CHST9: variants seen among roughly 807,000 people sequenced by gnomAD.
CHST9 encodes the protein carbohydrate sulfotransferase 9.
Under a neutral mutation model 44.4 loss-of-function variants are expected in CHST9, and 41 were observed. The ratio of observed to expected loss-of-function variants is 0.92; its 90% confidence interval spans 0.72 to 1.20. The LOEUF (loss-of-function observed/expected upper bound fraction) is 1.20. Ranked by LOEUF, CHST9 falls within the 50% of genes most tolerant of loss-of-function variation. The pLI, the probability that CHST9 is intolerant of heterozygous loss-of-function variation, is 0.00. For synonymous variants in CHST9, 171 were observed against 178.4 expected, an observed-to-expected ratio of 0.96 and a Z score of 0.33; for missense variants, 504 against 516.5, an observed-to-expected ratio of 0.98 and a Z score of 0.23.
At chr18:26,998,454 G>T (rs1023034168) in intron 4 of CHST9, among the ~76,000 whole-genome samples, 1 of 152,198 alleles carries the variant, frequency 6.6e-6, no homozygotes, top group East Asian at 1.9e-4. Flanking sequence ...GGCTGGGTGC[G>T]ATGGCTCATG....
chr18:27,151,275 A>C (rs2143897715), intron 1 of CHST9, among the ~76,000 whole-genome samples: 1 of 152,226 alleles, frequency 6.6e-6, no homozygotes, highest in East Asian at 1.9e-4. Flanking sequence ...AAAAAGTGGG[A>C]TTGTTTAAAC....
At chr18:27,105,023 C>T (rs958173677) in intron 2 of CHST9, among the ~76,000 whole-genome samples, 4 of 152,056 alleles carry the variant, frequency 2.6e-5, no homozygotes, top group Non-Finnish European at 5.9e-5. Context: ...GTTTTATTAG[C>T]ATCTATTTTT....
At chr18:27,086,881 G>A (rs1054680233) in intron 2 of CHST9, among the ~76,000 whole-genome samples, 3 of 152,050 alleles carry the variant, frequency 2.0e-5, no homozygotes, top group African/African-American at 7.2e-5. Flanking sequence ...CAGACTATGA[G>A]GTGTGGATAA....
chr18:27,094,236 TATC>T (rs1359176550), intron 2 of CHST9, among the ~76,000 whole-genome samples: 10 of 152,286 alleles, frequency 6.6e-5, no homozygotes, highest in East Asian at 3.9e-4. Flanking sequence ...TGTAACACCT[TATC>T]ATATTCACAG....
intron 4 of CHST9, among the ~76,000 whole-genome samples, chr18:26,960,746 C>T (rs1445649875): frequency 6.6e-6 from 1 of 152,200 alleles, no homozygotes; most frequent in Non-Finnish European, 1.5e-5. Flanking sequence ...TCAGGGCTCA[C>T]TCTAAACTCT....
At chr18:27,128,937 G>T (rs2058448549) in intron 2 of CHST9, among the ~76,000 whole-genome samples, 1 of 152,124 alleles carries the variant, frequency 6.6e-6, no homozygotes, top group South Asian at 2.1e-4. Context: ...TCTTTCCATT[G>T]AATTCCTTTT....
intron 5 of CHST9, chr18:26,925,669 C>A (rs187596105): frequency 2.6e-5 from 4 of 152,254 alleles, no homozygotes; most frequent in Admixed American, 1.3e-4. Context: ...CCTCGGTTAT[C>A]TTATTTTGTT....
rs2055461058 is a variant in CHST9 at position 26,912,941 on chromosome 18, G to A, written c.*3318C>T. On this transcript the variant is annotated 3_prime_UTR_variant, in exon 6 of 6. Transcript: ENST00000618847. ...TCAAGTATCAGAGCATCTTGGGAGG[G>A]TTAGCCCTGGGCAAAACATCTGCTT... 2 of 152,172 alleles carry A rather than the reference G, an allele frequency of 1.3e-5. 1 individual carries two copies. Among genetic ancestry groups the A allele is most frequent in the African/African-American group, 4.8e-5 (2 of 41,428 alleles). 9.4% of individuals were successfully genotyped at this position (152,172 alleles called of 1,614,324 possible).
chr18:26,943,768 C>T (rs553972237), intron 5 of CHST9, among the ~76,000 whole-genome samples: 2 of 152,268 alleles, frequency 1.3e-5, no homozygotes, highest in Non-Finnish European at 2.9e-5. Flanking sequence ...AGGACACCAT[C>T]TACCTAGAAA....
At chr18:26,981,622 A>G (rs1460818821) in intron 4 of CHST9, among the ~76,000 whole-genome samples, 4 of 152,208 alleles carry the variant, frequency 2.6e-5, no homozygotes, top group Non-Finnish European at 5.9e-5. Context: ...CCTCTGGCAC[A>G]TGGAATTTGG....
chr18:27,093,307 C>A (rs113119668), intron 2 of CHST9, among the ~76,000 whole-genome samples: 123 of 152,340 alleles, frequency 8.1e-4, no homozygotes, highest in African/African-American at 2.9e-3. Context: ...TTTAAGTCTG[C>A]AGAAGTTGTT....
chr18:27,100,781 G>A lies in CHST9; in HGVS notation c.121+41908C>T, dbSNP rs117275209. 2.4e-4 allele frequency among the ~76,000 whole-genome samples: 36 copies of A among 152,258 alleles called. 2 individuals carry two copies. The East Asian group carries it at 6.9e-3, about 29-fold the overall frequency. On this transcript the variant is annotated intron_variant, in intron 2 of 5. Coordinates refer to ENST00000618847, the MANE Select transcript of CHST9 (RefSeq NM_031422.6). ...ATATGATAAGAAAATCAATGTAGTGGCCTCAAATATGTTTGTCACAATTTT... is the reference window on the plus strand; with the variant it reads ...ATATGATAAGAAAATCAATGTAGTGACCTCAAATATGTTTGTCACAATTTT...
In CHST9 at chr18:26,916,401, T is replaced by C. The variant is rs760162019; in HGVS notation, c.1190A>G (p.Asp397Gly). 1 of 1,613,808 alleles carries C rather than the reference T, an allele frequency of 6.2e-7. No homozygotes were observed. Among genetic ancestry groups the C allele is most frequent in the South Asian group, 1.1e-5 (1 of 91,074 alleles). Reference sequence around the variant, plus strand: ...GGTTCTTTCATCGGAAGAGTGCCTATCCTTAAAGTTGGGAAATTTCAGCTC... The same window carrying C: ...GGTTCTTTCATCGGAAGAGTGCCTACCCTTAAAGTTGGGAAATTTCAGCTC... ...PKELKFPNFKDRHSSDERTNA... is the reference protein window; with the variant it reads ...PKELKFPNFKGRHSSDERTNA... The change falls in exon 6 of 6, where the codon GAT becomes GGT. Residue 397 changes from aspartate to glycine, a missense_variant. Coordinates refer to ENST00000618847, the MANE Select transcript of CHST9 (RefSeq NM_031422.6).
At chr18:27,103,509 C>T (rs2058192983) in intron 2 of CHST9, among the ~76,000 whole-genome samples, 1 of 152,192 alleles carries the variant, frequency 6.6e-6, no homozygotes, top group Admixed American at 6.5e-5. Flanking sequence ...TAAGAAAAAA[C>T]AATGGTATCT....
At chr18:27,125,614 T>G (rs1408193663) in intron 2 of CHST9, among the ~76,000 whole-genome samples, 2 of 152,340 alleles carry the variant, frequency 1.3e-5, no homozygotes, top group Admixed American at 6.5e-5. Context: ...GCTAAAGAGA[T>G]TCATACTAAA....
intron 4 of CHST9, among the ~76,000 whole-genome samples, chr18:26,949,007 G>C (rs1301743885): frequency 2.0e-5 from 3 of 152,164 alleles, no homozygotes; most frequent in Non-Finnish European, 4.4e-5. Context: ...GGTGATATTG[G>C]AGGCTTTGCA....
At chr18:27,004,633 C>A (rs965709173) in intron 4 of CHST9, among the ~76,000 whole-genome samples, 3 of 152,266 alleles carry the variant, frequency 2.0e-5, no homozygotes, top group Middle Eastern at 6.8e-3. Context: ...TAAGTGCCCC[C>A]TAGTGACAAG....
chr18:27,048,773 T>A (rs1203763627), intron 2 of CHST9, among the ~76,000 whole-genome samples: 2 of 152,112 alleles, frequency 1.3e-5, no homozygotes, highest in African/African-American at 4.8e-5. Context: ...ACAATAAACT[T>A]ACAAAGGGCA....
At chr18:27,062,631 G>A (rs140581487) in intron 2 of CHST9, among the ~76,000 whole-genome samples, 2,165 of 152,236 alleles carry the variant, frequency 0.014, 35 homozygotes, top group South Asian at 0.033. Flanking sequence ...ACGTATGCAT[G>A]TGTCTTTATA....
Sources: gnomAD v4.1 joint callset for allele counts (sites outside exome capture counted in the v4.1 genomes callset) on GRCh38, gnomAD v4.1.1 for gene constraint, MANE v1.5 for transcripts, NCBI Gene and HGNC (gene_info 2026-07-23, HGNC 2026-07-21) for gene names.